Variants in ADARB1 observed in about 807,000 individuals in gnomAD.
ADARB1 encodes the protein adenosine deaminase RNA specific B1.
In ADARB1, 10 loss-of-function variants were observed where a neutral mutation model predicts 52.4. The observed-to-expected ratio is 0.19, with a 90% CI of 0.12 to 0.32. The LOEUF (loss-of-function observed/expected upper bound fraction) is 0.32. Among genes scored for constraint, ADARB1 ranks in the 10% least tolerant of loss-of-function variants. The pLI is 1.00. For synonymous variants in ADARB1, 349 were observed against 371.1 expected, an observed-to-expected ratio of 0.94 and a Z score of 0.68; for missense variants, 643 against 922.3, an observed-to-expected ratio of 0.70 and a Z score of 3.92.
intron 1 of ADARB1, among the ~76,000 whole-genome samples, chr21:45,075,643 G>A (rs2085900566): frequency 6.6e-6 from 1 of 152,238 alleles, no homozygotes; most frequent in Non-Finnish European, 1.5e-5. Flanking sequence ...GGATGGGTGC[G>A]AGGGAAGGTG....
At chr21:45,212,979 G>A (rs1169137615) in intron 9 of ADARB1, among the ~76,000 whole-genome samples, 2 of 152,162 alleles carry the variant, frequency 1.3e-5, no homozygotes, top group African/African-American at 2.4e-5. Flanking sequence ...TGTGCAGTGG[G>A]CATGGTTCTG....
In ADARB1 at chr21:45,183,389, C is replaced by T. The variant is rs1479827807; in HGVS notation, c.1275C>T (p.Ile425=). 5.0e-6 allele frequency: 8 copies of T among 1,604,178 alleles called. No individual in the cohort carries two copies. The African/African-American group carries it at 6.7e-5, about 13-fold the overall frequency. Residue 425 remains isoleucine (I), a synonymous_variant, in exon 7 of 11, where the codon ATC becomes ATT. Coordinates refer to ENST00000348831, the MANE Select transcript of ADARB1 (RefSeq NM_001112.4). The part of the protein sequence containing the change: ...LNNKDDQKRS[I]FQKSERGGFR... Reference sequence around the variant, plus strand: ...ACAAAGATGATCAAAAAAGATCCATCTTTCAGAAATCAGAGCGAGGGGGGT... The same window carrying T: ...ACAAAGATGATCAAAAAAGATCCATTTTTCAGAAATCAGAGCGAGGGGGGT...
intron 1 of ADARB1, among the ~76,000 whole-genome samples, chr21:45,127,339 G>A (rs2088651273): frequency 6.6e-6 from 1 of 152,220 alleles, no homozygotes; most frequent in South Asian, 2.1e-4. Flanking sequence ...CTGGACATGT[G>A]GCCCTCATTC....
intron 2 of ADARB1, among the ~76,000 whole-genome samples, chr21:45,156,478 A>C (rs1601652383): frequency 1.0e-5 from 1 of 100,162 alleles, no homozygotes. Flanking sequence ...CCCATCATCC[A>C]TCATCCATTC....
At chr21:45,149,787 G>A (rs1195500652) in intron 2 of ADARB1, among the ~76,000 whole-genome samples, 2 of 152,348 alleles carry the variant, frequency 1.3e-5, no homozygotes, top group East Asian at 3.9e-4. Context: ...GATAATGCTT[G>A]TTCTGTTGGT....
intron 8 of ADARB1, among the ~76,000 whole-genome samples, chr21:45,198,060 A>T (rs928149013): frequency 6.6e-6 from 1 of 152,162 alleles, no homozygotes; most frequent in Non-Finnish European, 1.5e-5. Flanking sequence ...AAGAAATCAC[A>T]TGAGAAAATG....
At chr21:45,154,114 G>T (rs1174998157) in intron 2 of ADARB1, among the ~76,000 whole-genome samples, 2 of 152,180 alleles carry the variant, frequency 1.3e-5, no homozygotes, top group Non-Finnish European at 2.9e-5. Flanking sequence ...AGCTTAAAAT[G>T]TCTTTTTCAT....
intron 2 of ADARB1, chr21:45,134,846 G>A (rs1006049530): frequency 7.5e-6 from 4 of 533,788 alleles, no homozygotes; most frequent in African/African-American, 1.9e-5. Context: ...AGTGGGTGAT[G>A]GCATTTGTGG....
intron 1 of ADARB1, among the ~76,000 whole-genome samples, chr21:45,121,997 A>G (rs2088222248): frequency 6.6e-6 from 1 of 152,238 alleles, no homozygotes; most frequent in African/African-American, 2.4e-5. Flanking sequence ...AAAATTAGGA[A>G]GAAGGCTTCT....
intron 9 of ADARB1, among the ~76,000 whole-genome samples, chr21:45,206,560 CTTTTTTTTTTTTTTTTTTT>C (rs71199660): frequency 1.3e-3 from 74 of 54,964 alleles, no homozygotes; most frequent in African/African-American, 5.4e-3. Context: ...CTTCTCTGGT[CTTTTTTTTTTTTTTTTTTT>C]TTTTTTTTTT....
At chr21:45,211,352 G>A (rs1447202162) in intron 9 of ADARB1, among the ~76,000 whole-genome samples, 3 of 152,210 alleles carry the variant, frequency 2.0e-5, no homozygotes, top group Non-Finnish European at 2.9e-5. Context: ...CTCACTGGGG[G>A]TGCTGTGCAC....
chr21:45,151,464 T>C (rs376537885), intron 2 of ADARB1, among the ~76,000 whole-genome samples: 117 of 152,374 alleles, frequency 7.7e-4, no homozygotes, highest in African/African-American at 2.6e-3. Flanking sequence ...GTAATTGCAT[T>C]GTGGCAAGAG....
At chr21:45,111,345 G>A (rs1346516910) in intron 1 of ADARB1, among the ~76,000 whole-genome samples, 1 of 152,138 alleles carries the variant, frequency 6.6e-6, no homozygotes, top group African/African-American at 2.4e-5. Flanking sequence ...GCAAAATTGA[G>A]GGACAGGTAC....
At chr21:45,119,010 T>A (rs2087991024) in intron 1 of ADARB1, among the ~76,000 whole-genome samples, 1 of 152,214 alleles carries the variant, frequency 6.6e-6, no homozygotes, top group Non-Finnish European at 1.5e-5. Flanking sequence ...AAAAGTACCT[T>A]TTCTGACATT....
chr21:45,146,717 C>T (rs1442869397), intron 2 of ADARB1, among the ~76,000 whole-genome samples: 1 of 152,178 alleles, frequency 6.6e-6, no homozygotes, highest in African/African-American at 2.4e-5. Flanking sequence ...AGCAACAGTC[C>T]TTGTTTTTAT....
At chr21:45,137,801 A>C (rs2089476933) in intron 2 of ADARB1, among the ~76,000 whole-genome samples, 1 of 151,924 alleles carries the variant, frequency 6.6e-6, no homozygotes, top group African/African-American at 2.4e-5. Context: ...TCATGGATGT[A>C]GGGTTGCAGC....
At chr21:45,083,223 T>C (rs2086218008) in intron 1 of ADARB1, among the ~76,000 whole-genome samples, 1 of 152,210 alleles carries the variant, frequency 6.6e-6, no homozygotes, top group African/African-American at 2.4e-5. Context: ...TTTAACTTAC[T>C]TTTTCTGTTG....
Position 45,225,775 on chromosome 21 carries a change from T to C in ADARB1, c.*3578T>C, listed in dbSNP as rs1462790855. The C allele has an allele frequency of 1.3e-5, 5 of 399,756 alleles. No homozygotes were observed. The highest frequency in any genetic ancestry group is 2.8e-4 in the South Asian group (2 of 7,154). 24.8% of individuals were successfully genotyped at this position (399,756 alleles called of 1,614,324 possible). The stretch of plus-strand genomic sequence containing the variant: ...CCCACCTCTAAATTCTGTAAAATTA[T>C]AGACTTGCTCAAAAGATTCCTTTTT... On this transcript the variant is annotated 3_prime_UTR_variant, in exon 11 of 11. Transcript: ENST00000348831.
chr21:45,143,934 T>C (rs535841616), intron 2 of ADARB1, among the ~76,000 whole-genome samples: 2 of 152,108 alleles, frequency 1.3e-5, no homozygotes, highest in Non-Finnish European at 2.9e-5. Context: ...ACCCCCATTG[T>C]CCCCATTGTC....
Sources: gnomAD v4.1 joint callset for allele counts (sites outside exome capture counted in the v4.1 genomes callset) on GRCh38, gnomAD v4.1.1 for gene constraint, MANE v1.5 for transcripts, NCBI Gene and HGNC (gene_info 2026-07-23, HGNC 2026-07-21) for gene names.